The following PIGU variants were observed in gnomAD, a reference collection of about 807,000 sequenced individuals.
PIGU encodes the protein GPI-anchor transamidase component PIGU.
Under a neutral mutation model 49.9 loss-of-function variants are expected in PIGU, and 24 were observed. That is an observed-to-expected ratio of 0.48 (90% CI 0.35 to 0.68). The LOEUF (loss-of-function observed/expected upper bound fraction) is 0.68. PIGU is among the 30% of genes least tolerant of loss of function. PIGU has a pLI of 0.01. For missense variants in PIGU, 490 were observed against 532.6 expected (o/e 0.92, Z 0.79); for synonymous variants, 220 against 205.7 (o/e 1.07, Z -0.59).
intron 10 of PIGU, 135 bp from the exon 11 acceptor site, chr20:34,575,381 TGG>T (rs990433717): frequency 3.9e-5 from 41 of 1,059,252 alleles, no homozygotes; most frequent in Admixed American, 1.2e-4. Context: ...CCAGAGGTAC[TGG>T]GGTGCCAAGA....
At chr20:34,580,198 A>C (rs1983401288) in intron 10 of PIGU, among the ~76,000 whole-genome samples, 1 of 152,198 alleles carries the variant, frequency 6.6e-6, no homozygotes, top group Admixed American at 6.5e-5. Flanking sequence ...TCACAAACTG[A>C]GGCATGTCCA....
At chr20:34,658,803 C>T (rs1198052568) in intron 1 of PIGU, among the ~76,000 whole-genome samples, 1 of 151,820 alleles carries the variant, frequency 6.6e-6, no homozygotes, top group Non-Finnish European at 1.5e-5. Flanking sequence ...CTGGCAGCCG[C>T]CCCGTCTGAG....
intron 1 of PIGU, among the ~76,000 whole-genome samples, chr20:34,663,767 A>G (rs1289690703): frequency 3.3e-5 from 5 of 152,214 alleles, no homozygotes; most frequent in Admixed American, 2.6e-4. Flanking sequence ...TGGAGACCCA[A>G]GGAGATAATT....
intron 2 of PIGU, among the ~76,000 whole-genome samples, chr20:34,646,495 G>A (rs1212792305): frequency 2.0e-5 from 3 of 152,042 alleles, no homozygotes; most frequent in African/African-American, 4.8e-5. Flanking sequence ...AGCAACCTCC[G>A]CCTCCTGGGT....
chr20:34,592,389 C>G (rs532759455), intron 7 of PIGU, among the ~76,000 whole-genome samples: 1 of 146,996 alleles, frequency 6.8e-6, no homozygotes, highest in African/African-American at 2.5e-5. Flanking sequence ...AAATCTAGTT[C>G]TTAGAAATGA....
At chr20:34,635,219 C>T (rs1985920917) in intron 5 of PIGU, among the ~76,000 whole-genome samples, 1 of 152,028 alleles carries the variant, frequency 6.6e-6, no homozygotes, top group Non-Finnish European at 1.5e-5. Context: ...CTCTGAGAAC[C>T]AGGAAAGTAC....
In PIGU at chr20:34,676,927, T is replaced by G. The variant is rs76185438; in HGVS notation, c.130+29A>C. On this transcript the variant is annotated intron_variant, in intron 1 of 11. Coordinates refer to ENST00000217446, the MANE Select transcript of PIGU (RefSeq NM_080476.5). ...AGGCCGCGGGAGGGCAGGTGGGGCC[T>G]GACAGTCTGCTCGAGCCAGTGGCCT... is the stretch of plus-strand genomic sequence containing the variant. 0.056 allele frequency: 87,881 copies of G among 1,557,998 alleles called. 3,076 individuals carry two copies. The highest frequency in any genetic ancestry group is 0.15 in the East Asian group (6,514 of 42,376).
chr20:34,575,072 C>T lies in PIGU; in HGVS notation c.1194+32G>A, dbSNP rs572507834. On this transcript the variant is annotated intron_variant, in intron 11 of 11. Transcript: ENST00000217446. ...TTGAGGCTGCAAAATGAATTCCTGT[C>T]CCCAAGCTGACCCCCATGCTGTCCC... The T allele has an allele frequency of 3.7e-5, 59 of 1,610,648 alleles. No homozygotes were observed. In the South Asian group the frequency reaches 6.4e-4, roughly 17 times the overall value.
chr20:34,635,628 C>G (rs778118267), intron 5 of PIGU, among the ~76,000 whole-genome samples: 53 of 152,342 alleles, frequency 3.5e-4, no homozygotes, highest in Admixed American at 1.0e-3. Context: ...GTAATCCCAG[C>G]ACTTTGGGAG....
chr20:34,566,502 G>C (rs1379023814), intron 11 of PIGU, among the ~76,000 whole-genome samples: 1 of 152,216 alleles, frequency 6.6e-6, no homozygotes, highest in Non-Finnish European at 1.5e-5. Flanking sequence ...CAGACAGGAT[G>C]AATCAGAAGT....
rs78272181 is a variant in PIGU, at chr20:34,619,319, C to T, written c.530-3180G>A. On this transcript the variant is annotated intron_variant, in intron 6 of 11. Transcript: ENST00000217446. ...ACAGACTCTAAACTCAGAACCAGGT[C>T]ACTCTGGGATAGGGCAGTGGCAGTA... 4.3e-3 allele frequency among the ~76,000 whole-genome samples: 656 copies of T among 152,298 alleles called. 14 individuals carry two copies. Among genetic ancestry groups the T allele is most frequent in the African/African-American group, 0.014 (594 of 41,554 alleles).
At chr20:34,676,856 T>C in intron 1 of PIGU, 100 bp downstream of exon 1, 3 of 1,414,362 alleles carry the variant, frequency 2.1e-6, no homozygotes, top group South Asian at 1.2e-5. Flanking sequence ...GTTAGTTCTC[T>C]AGGAACCGCG....
intron 9 of PIGU, among the ~76,000 whole-genome samples, chr20:34,583,943 T>C (rs1983590482): frequency 6.6e-6 from 1 of 152,194 alleles, no homozygotes; most frequent in Admixed American, 6.5e-5. Flanking sequence ...ATCAAACTCT[T>C]TCAGGTTCCC....
At chr20:34,657,716 GA>G (rs1490796618) in intron 1 of PIGU, among the ~76,000 whole-genome samples, 2 of 152,076 alleles carry the variant, frequency 1.3e-5, no homozygotes, top group African/African-American at 4.8e-5. Context: ...ACCCAGATAT[GA>G]TACTTCTTAG....
Position 34,602,324 on chromosome 20 carries a change from C to T in PIGU, c.628-13717G>A, listed in dbSNP as rs185928009. On this transcript the variant is annotated intron_variant, in intron 7 of 11. Transcript: ENST00000217446. The stretch of plus-strand genomic sequence containing the variant: ...AATAAAATATATGTATGGCTGGGTG[C>T]GGTGGCTCACATCTGTAATCCTAGC... 2.5e-4 allele frequency among the ~76,000 whole-genome samples: 38 copies of T among 149,074 alleles called. No individual in the cohort carries two copies. In the East Asian group the frequency reaches 6.6e-3, roughly 26 times the overall value.
intron 1 of PIGU, among the ~76,000 whole-genome samples, chr20:34,658,195 G>C (rs1426175302): frequency 2.0e-5 from 3 of 152,266 alleles, no homozygotes; most frequent in Non-Finnish European, 4.4e-5. Flanking sequence ...GGGTTTCGCT[G>C]TGTTGGCCGG....
chr20:34,562,316 C>T, intron 11 of PIGU: 1 of 761,914 alleles, frequency 1.3e-6, no homozygotes, highest in Non-Finnish European at 1.6e-6. Flanking sequence ...GCACCAACCA[C>T]CTGGCACAGA....
intron 7 of PIGU, among the ~76,000 whole-genome samples, chr20:34,605,358 T>C (rs1432809923): frequency 6.6e-6 from 1 of 152,178 alleles, no homozygotes; most frequent in Non-Finnish European, 1.5e-5. Context: ...ACCAGTACTC[T>C]CTAGAAATTC....
chr20:34,607,464 A>G (rs776785936), intron 7 of PIGU, among the ~76,000 whole-genome samples: 51 of 152,182 alleles, frequency 3.4e-4, no homozygotes, highest in Non-Finnish European at 5.7e-4. Context: ...CTCGGAGAAG[A>G]GTTCAGCCAG....
Sources: allele counts gnomAD v4.1 joint callset (sites outside exome capture counted in the v4.1 genomes callset), GRCh38; gene constraint gnomAD v4.1.1; transcripts MANE v1.5; gene names NCBI Gene and HGNC (gene_info 2026-07-23, HGNC 2026-07-21).